The following PARN variants were observed in gnomAD, a reference collection of about 807,000 sequenced individuals.
The protein encoded by PARN is poly(A)-specific ribonuclease, also known as poly(A)-specific ribonuclease PARN.
Under a neutral mutation model 102.8 loss-of-function variants are expected in PARN, and 71 were observed. The observed-to-expected ratio is 0.69, with a 90% confidence interval of 0.57 to 0.84. The LOEUF is 0.84. Ranked by LOEUF, PARN falls within the 40% of genes least tolerant of loss-of-function variation. The probability of loss-of-function intolerance (pLI) is 0.00; values close to 1 mark genes in which losing one functional copy is unlikely to be tolerated. For missense variants in PARN, 782 were observed against 760.9 expected (o/e 1.03, Z -0.33); for synonymous variants, 261 against 252.9 (o/e 1.03, Z -0.30).
chr16:14,525,818 T>C (rs1215842224), intron 21 of PARN, among the ~76,000 whole-genome samples: 1 of 152,180 alleles, frequency 6.6e-6, no homozygotes. Flanking sequence ...CTCACCATGA[T>C]TTCAACCAAA....
intron 13 of PARN, among the ~76,000 whole-genome samples, chr16:14,590,634 CAAAA>C (rs966183881): frequency 3.1e-5 from 2 of 63,524 alleles, no homozygotes; most frequent in Admixed American, 1.9e-4. Context: ...GATTCAGTCT[CAAAA>C]AAAAAAAAAA....
At chr16:14,619,015 G>A (rs888646956) in intron 5 of PARN, among the ~76,000 whole-genome samples, 1 of 150,922 alleles carries the variant, frequency 6.6e-6, no homozygotes, top group African/African-American at 2.4e-5. Flanking sequence ...GGGCAAAACA[G>A]TGAGATCCTA....
At chr16:14,549,419 C>T (rs892074498) in intron 21 of PARN, among the ~76,000 whole-genome samples, 1 of 152,076 alleles carries the variant, frequency 6.6e-6, no homozygotes, top group Non-Finnish European at 1.5e-5. Flanking sequence ...CCAACACTGC[C>T]CTCAGGAAAC....
At chr16:14,518,253 C>T (rs2151647333) in intron 21 of PARN, among the ~76,000 whole-genome samples, 1 of 125,898 alleles carries the variant, frequency 7.9e-6, no homozygotes, top group East Asian at 2.4e-4. Flanking sequence ...GATCACACCA[C>T]TACACTCCAG....
At chr16:14,564,394 T>C (rs1968298366) in intron 18 of PARN, among the ~76,000 whole-genome samples, 1 of 152,192 alleles carries the variant, frequency 6.6e-6, no homozygotes, top group South Asian at 2.1e-4. Flanking sequence ...AGAGCGAATT[T>C]TCAAGGCAAC....
intron 21 of PARN, among the ~76,000 whole-genome samples, chr16:14,516,248 G>T (rs2151644193): frequency 6.6e-6 from 1 of 151,100 alleles, no homozygotes; most frequent in South Asian, 2.1e-4. Context: ...ACAGATGATG[G>T]GCAAAGATCC....
intron 5 of PARN, among the ~76,000 whole-genome samples, chr16:14,623,781 G>A (rs1260197057): frequency 6.7e-6 from 1 of 149,924 alleles, no homozygotes; most frequent in Non-Finnish European, 1.5e-5. Flanking sequence ...AGGTTGCAGT[G>A]AGCCGAAATC....
At chr16:14,512,735 TC>T (rs954925438) in intron 21 of PARN, among the ~76,000 whole-genome samples, 2 of 152,200 alleles carry the variant, frequency 1.3e-5, no homozygotes, top group Non-Finnish European at 2.9e-5. Flanking sequence ...AAAATGGAGT[TC>T]TTTCCACTCT....
intron 21 of PARN, among the ~76,000 whole-genome samples, chr16:14,540,072 G>A (rs768915720): frequency 2.6e-5 from 4 of 152,134 alleles, no homozygotes; most frequent in Admixed American, 6.5e-5. Flanking sequence ...AGTCTGCATG[G>A]AGTCCTGGAA....
intron 21 of PARN, among the ~76,000 whole-genome samples, chr16:14,490,958 C>T (rs1964028514): frequency 6.6e-6 from 1 of 151,924 alleles, no homozygotes; most frequent in Non-Finnish European, 1.5e-5. Flanking sequence ...AAACACCCAA[C>T]CCTAATGGTC....
chr16:14,470,145 C>T (rs1962628702), intron 22 of PARN, among the ~76,000 whole-genome samples: 3 of 151,978 alleles, frequency 2.0e-5, no homozygotes, highest in Admixed American at 2.0e-4. Flanking sequence ...TCTAACACAA[C>T]AAAGGTCATA....
At chr16:14,581,991 G>A (rs1969559773) in intron 17 of PARN, among the ~76,000 whole-genome samples, 190 bp downstream of exon 17, 1 of 152,280 alleles carries the variant, frequency 6.6e-6, no homozygotes, top group South Asian at 2.1e-4. Flanking sequence ...CCAGGAAGTG[G>A]GCTCTCACCA....
At chr16:14,583,187 A>G in intron 16 of PARN, among the ~76,000 whole-genome samples, 1 of 152,236 alleles carries the variant, frequency 6.6e-6, no homozygotes, top group East Asian at 1.9e-4. Context: ...AAGAGGAATG[A>G]CCTGCTTTAG....
chr16:14,484,242 C>A (rs1331303565), intron 21 of PARN, among the ~76,000 whole-genome samples: 2 of 152,210 alleles, frequency 1.3e-5, no homozygotes, highest in Non-Finnish European at 2.9e-5. Flanking sequence ...CAGTTGTGTT[C>A]TGATCCCATG....
intron 21 of PARN, among the ~76,000 whole-genome samples, chr16:14,489,663 G>C (rs960420787): frequency 7.9e-5 from 12 of 152,282 alleles, no homozygotes; most frequent in South Asian, 2.1e-4. Flanking sequence ...CTTCAGCCTT[G>C]CTCGGTGGCT....
chr16:14,503,314 G>A (rs1964718841), intron 21 of PARN, among the ~76,000 whole-genome samples: 7 of 152,166 alleles, frequency 4.6e-5, no homozygotes, highest in Admixed American at 3.9e-4. Flanking sequence ...CACTCAGAGA[G>A]CTGTAAGGAG....
At chr16:14,476,099 T>C (rs1352048011) in intron 22 of PARN, among the ~76,000 whole-genome samples, 2 of 152,220 alleles carry the variant, frequency 1.3e-5, no homozygotes, top group Admixed American at 6.5e-5. Flanking sequence ...ACTTGAAAGA[T>C]GCATATTATA....
intron 18 of PARN, among the ~76,000 whole-genome samples, chr16:14,559,227 G>T (rs1409710928): frequency 4.8e-5 from 7 of 145,950 alleles, no homozygotes; most frequent in South Asian, 2.2e-4. Context: ...AGATGTTGTT[G>T]TTTTTTTTTT....
At chr16:14,548,730 G>A (rs1044040053) in intron 21 of PARN, among the ~76,000 whole-genome samples, 7 of 152,178 alleles carry the variant, frequency 4.6e-5, no homozygotes, top group African/African-American at 7.2e-5. Context: ...TGAGATAGGC[G>A]GATCACTTGA....
Sources: allele counts gnomAD v4.1 joint callset (sites outside exome capture counted in the v4.1 genomes callset), GRCh38; gene constraint gnomAD v4.1.1; transcripts MANE v1.5; gene names NCBI Gene and HGNC (gene_info 2026-07-23, HGNC 2026-07-21).